The following ERBIN variants were observed in gnomAD, a reference collection of about 807,000 sequenced individuals.
ERBIN encodes erbb2 interacting protein, also known as densin-180-like protein.
A neutral mutation model predicts 158.4 loss-of-function variants in ERBIN; 60 were observed. The ratio of observed to expected loss-of-function variants is 0.38; its 90% CI spans 0.31 to 0.47. The LOEUF is 0.47. Among genes scored for constraint, ERBIN ranks in the 20% least tolerant of loss-of-function variants. The pLI is 0.99. For synonymous variants in ERBIN, 594 were observed against 557.2 expected, an observed-to-expected ratio of 1.07 and a Z score of -0.93; for missense variants, 1,610 against 1,648.0, an observed-to-expected ratio of 0.98 and a Z score of 0.40.
chr5:66,043,529 C>T (rs533776530), intron 16 of ERBIN, among the ~76,000 whole-genome samples: 143 of 152,106 alleles, frequency 9.4e-4, no homozygotes, highest in African/African-American at 3.2e-3. Context: ...CCACCATATT[C>T]GTAATGATTA....
At position 66,054,228 on chromosome 5, in the gene ERBIN, A is replaced by C; in HGVS notation, c.2910A>C (p.Gln970His). ...CAAGTGGCCCACAATCTGCACCTCA[A>C]ATATATGGTCCTCCACAGTATAATA... ...GPTSGPQSAP[Q>H]IYGPPQYNIQ... Residue 970 changes from glutamine to histidine, a missense_variant, in exon 21 of 26, where the codon CAA becomes CAC. Coordinates refer to ENST00000284037, the MANE Select transcript of ERBIN (RefSeq NM_001253697.2). The C allele has an allele frequency of 6.2e-7, 1 of 1,614,146 alleles. No individual in the cohort carries two copies. The highest frequency in any genetic ancestry group is 8.5e-7 in the Non-Finnish European group (1 of 1,180,016).
chr5:65,998,115 T>C (rs977729542), intron 4 of ERBIN, among the ~76,000 whole-genome samples: 6 of 151,768 alleles, frequency 4.0e-5, no homozygotes, highest in Non-Finnish European at 8.8e-5. Flanking sequence ...TAGTCCCAGC[T>C]AGTCAGGAGG....
intron 1 of ERBIN, among the ~76,000 whole-genome samples, chr5:65,933,934 C>T (rs1477538127): frequency 2.6e-5 from 4 of 151,966 alleles, no homozygotes; most frequent in East Asian, 3.9e-4. Flanking sequence ...AGAGCTCTGT[C>T]GCCCAGGCTG....
intron 4 of ERBIN, among the ~76,000 whole-genome samples, chr5:66,009,679 C>T (rs1300225354): frequency 1.3e-5 from 2 of 152,050 alleles, no homozygotes; most frequent in East Asian, 3.9e-4. Context: ...GATCAGTGTT[C>T]AGTGTTAATT....
chr5:66,025,790 T>C, intron 11 of ERBIN, 58 bp from the exon 12 acceptor site: 1 of 1,209,940 alleles, frequency 8.3e-7, no homozygotes, highest in Non-Finnish European at 1.1e-6. Context: ...TCTGAAATTT[T>C]GGATTATATA....
rs1330418903 is a variant in ERBIN at position 66,080,816 on chromosome 5, G to C, written c.*2286G>C. The C allele has an allele frequency of 6.6e-6, 1 of 151,928 alleles. No homozygotes were observed. The highest frequency in any genetic ancestry group is 1.5e-5 in the Non-Finnish European group (1 of 67,876). 9.4% of individuals were successfully genotyped at this position (151,928 alleles called of 1,614,324 possible). On this transcript the variant is annotated 3_prime_UTR_variant, in exon 26 of 26. Coordinates refer to ENST00000284037, the MANE Select transcript of ERBIN (RefSeq NM_001253697.2). ...AAATGCAACAGATGTTATATGCACT[G>C]GCATTTTATCCTACTCTAGTTAGTT...
chr5:66,059,344 T>C (rs1229458728), intron 21 of ERBIN, among the ~76,000 whole-genome samples: 1 of 152,224 alleles, frequency 6.6e-6, no homozygotes, highest in Non-Finnish European at 1.5e-5. Context: ...TGTTTGTCTG[T>C]TATTGGTGTA....
chr5:65,948,329 A>G (rs1032047388), intron 1 of ERBIN, among the ~76,000 whole-genome samples: 1 of 150,998 alleles, frequency 6.6e-6, no homozygotes, highest in African/African-American at 2.4e-5. Flanking sequence ...TGCGGGCTAC[A>G]ATGACTGGCT....
At chr5:65,960,298 A>G (rs1028006341) in intron 1 of ERBIN, among the ~76,000 whole-genome samples, 1 of 152,216 alleles carries the variant, frequency 6.6e-6, no homozygotes, top group African/African-American at 2.4e-5. Flanking sequence ...ATGAGGCTAT[A>G]GCATTAGAAA....
At position 66,050,987 on chromosome 5, in the gene ERBIN, GTTT is replaced by G. The variant is rs994167160; in HGVS notation, c.2087+25_2087+27del. ...ATCAGGTGTGTGAACCTCTTTTACA[GTTT>G]TTTATTTATACAATAAATAGAAGTA... On this transcript the variant is annotated intron_variant, in intron 20 of 25. Transcript: ENST00000284037. 6 of 1,519,978 alleles carry G rather than the reference GTTT, an allele frequency of 3.9e-6. No homozygotes were observed. In the African/African-American group the frequency reaches 8.4e-5, roughly 21 times the overall value. The allele number at this position is 1,519,978 out of a possible 1,614,324, so 94.2% of individuals were successfully genotyped here.
chr5:65,967,289 A>G (rs1210697960), intron 1 of ERBIN, among the ~76,000 whole-genome samples: 3 of 152,214 alleles, frequency 2.0e-5, no homozygotes, highest in Non-Finnish European at 4.4e-5. Flanking sequence ...TAAAGTCTGC[A>G]GTAGTGTACA....
chr5:66,018,737 C>T (rs952401419), intron 7 of ERBIN, among the ~76,000 whole-genome samples: 78 of 146,450 alleles, frequency 5.3e-4, no homozygotes, highest in African/African-American at 1.7e-3. Context: ...CCCGGGTCCA[C>T]GCCATTCTCC....
At chr5:66,035,772 A>C (rs1194564801) in intron 14 of ERBIN, among the ~76,000 whole-genome samples, 1 of 152,152 alleles carries the variant, frequency 6.6e-6, no homozygotes, top group Admixed American at 6.5e-5. Flanking sequence ...CTTTTTTGCC[A>C]TTTTATTATA....
intron 3 of ERBIN, 126 bp downstream of exon 3, chr5:65,993,033 C>T (rs1251468644): frequency 6.0e-6 from 4 of 667,576 alleles, no homozygotes; most frequent in Admixed American, 7.0e-5. Flanking sequence ...TTAATTGTAT[C>T]GTAGAGTATG....
At chr5:66,012,341 T>C (rs1023721074) in intron 5 of ERBIN, among the ~76,000 whole-genome samples, 1 of 152,114 alleles carries the variant, frequency 6.6e-6, no homozygotes, top group Non-Finnish European at 1.5e-5. Context: ...AGTGAGAGTG[T>C]TTTGCTCCAA....
Position 66,025,472 on chromosome 5 carries a change from C to G in ERBIN, c.818-8C>G, listed in dbSNP as rs752039423. Reference sequence around the variant, plus strand: ...TGAAAAATTGTATGTTGTTTCTTCCCTCATTAGGTTCGTTGAAGAATATAA... The same window carrying G: ...TGAAAAATTGTATGTTGTTTCTTCCGTCATTAGGTTCGTTGAAGAATATAA... On this transcript the variant is annotated splice_polypyrimidine_tract_variant and splice_region_variant and intron_variant, in intron 10 of 25. Transcript: ENST00000284037. 2.5e-6 allele frequency: 4 copies of G among 1,601,786 alleles called. No individual in the cohort carries two copies. The highest frequency in any genetic ancestry group is 4.5e-5 in the East Asian group (2 of 44,696).
intron 21 of ERBIN, among the ~76,000 whole-genome samples, chr5:66,059,469 C>T (rs983809442): frequency 6.6e-6 from 1 of 152,214 alleles, no homozygotes; most frequent in African/African-American, 2.4e-5. Flanking sequence ...GATATACAAT[C>T]ATGTCATGTG....
chr5:66,033,009 G>A (rs1252023430), intron 14 of ERBIN, among the ~76,000 whole-genome samples: 2 of 152,186 alleles, frequency 1.3e-5, no homozygotes, highest in African/African-American at 2.4e-5. Context: ...GTATATCCAA[G>A]TTAGCCATGC....
chr5:66,028,183 C>A, intron 13 of ERBIN, 91 bp from the exon 14 acceptor site: 1 of 859,142 alleles, frequency 1.2e-6, no homozygotes, highest in Non-Finnish European at 1.8e-6. Flanking sequence ...AACTATATAG[C>A]ATTTTTCAGA....
Sources: allele counts gnomAD v4.1 joint callset (sites outside exome capture counted in the v4.1 genomes callset), GRCh38; gene constraint gnomAD v4.1.1; transcripts MANE v1.5; gene names NCBI Gene and HGNC (gene_info 2026-07-23, HGNC 2026-07-21).